The following SYTL5 variants were observed in gnomAD, a reference collection of about 807,000 sequenced individuals.
SYTL5 encodes synaptotagmin like 5, also known as synaptotagmin-like protein 5.
Under a neutral mutation model 55.9 loss-of-function variants are expected in SYTL5, and 34 were observed. That is an observed-to-expected ratio of 0.61 (90% CI 0.46 to 0.81). The LOEUF (loss-of-function observed/expected upper bound fraction) is 0.81. Among genes scored for constraint, SYTL5 ranks in the 30% least tolerant of loss-of-function variants. SYTL5 has a pLI of 0.00. For synonymous variants in SYTL5, 221 were observed against 188.7 expected (o/e 1.17, Z -1.40); for missense variants, 637 against 546.7 (o/e 1.17, Z -1.65).
chrX:37,903,073 G>GA, the SYTL5 span, among the ~76,000 whole-genome samples: 1 of 111,190 alleles, frequency 9.0e-6, no homozygotes. Context: ...AGGATGTGGA[G>GA]AAATAGGAAC....
chrX:37,991,157 G>C, the SYTL5 span: 3 of 1,208,960 alleles, frequency 2.5e-6, no homozygotes, highest in Non-Finnish European at 3.4e-6. Flanking sequence ...CTCGCTTTTT[G>C]TTTGATGAGA....
At chrX:37,934,037 A>G in the SYTL5 span, among the ~76,000 whole-genome samples, 1 of 111,884 alleles carries the variant, frequency 8.9e-6, no homozygotes, top group Non-Finnish European at 1.9e-5. Context: ...CAAGAAATAC[A>G]GATTTCACTG....
the SYTL5 span, among the ~76,000 whole-genome samples, chrX:37,903,007 C>T: frequency 8.9e-6 from 1 of 112,021 alleles, no homozygotes; most frequent in Non-Finnish European, 1.9e-5. Context: ...GATACACCAT[C>T]TCACATCAGT....
chrX:37,908,572 A>T, the SYTL5 span, among the ~76,000 whole-genome samples: 1 of 111,654 alleles, frequency 9.0e-6, no homozygotes, highest in African/African-American at 3.3e-5. Flanking sequence ...TGAACCTGTG[A>T]TCGTATCAAT....
intron 8 of SYTL5, 136 bp downstream of exon 8, chrX:38,094,560 C>T (rs1402723238): frequency 3.1e-6 from 2 of 652,509 alleles, no homozygotes; most frequent in African/African-American, 4.4e-5. Flanking sequence ...TGGTGGTAGG[C>T]CACTCCATAA....
chrX:37,978,563 T>C, the SYTL5 span, among the ~76,000 whole-genome samples: 2 of 112,087 alleles, frequency 1.8e-5, no homozygotes, highest in Non-Finnish European at 3.8e-5. Flanking sequence ...CATGATTTAA[T>C]TTTCATTTTC....
At chrX:37,978,336 G>A in the SYTL5 span, among the ~76,000 whole-genome samples, 117 of 111,507 alleles carry the variant, frequency 1.0e-3, no homozygotes, top group Non-Finnish European at 1.1e-3. Context: ...ACTAATGATA[G>A]GATATATGGG....
chrX:38,087,625 C>T (rs1323113878), intron 6 of SYTL5, among the ~76,000 whole-genome samples: 1 of 112,011 alleles, frequency 8.9e-6, no homozygotes, highest in African/African-American at 3.2e-5. Context: ...CCTTTAGTAA[C>T]CACTCTTTAG....
the SYTL5 span, among the ~76,000 whole-genome samples, chrX:37,932,594 G>C: frequency 8.9e-6 from 1 of 111,924 alleles, no homozygotes; most frequent in Non-Finnish European, 1.9e-5. Context: ...AATGACTCTG[G>C]TTTTCATCAG....
At chrX:37,963,311 C>T in the SYTL5 span, among the ~76,000 whole-genome samples, 542 of 91,141 alleles carry the variant, frequency 5.9e-3, 2 homozygotes, top group Middle Eastern at 0.032. Flanking sequence ...TTTTTTGAGA[C>T]GGAGTCTCAC....
intron 9 of SYTL5, among the ~76,000 whole-genome samples, chrX:38,097,961 G>A (rs955674215): frequency 2.7e-5 from 3 of 109,503 alleles, no homozygotes; most frequent in Non-Finnish European, 3.8e-5. Flanking sequence ...AATCATACTG[G>A]GACAACAGGA....
At chrX:37,933,140 G>A in the SYTL5 span, among the ~76,000 whole-genome samples, 2 of 111,383 alleles carry the variant, frequency 1.8e-5, no homozygotes, top group East Asian at 5.6e-4. Flanking sequence ...ATGTCACATT[G>A]AGTGAAAATG....
chrX:38,005,731 T>C (rs1270872277), upstream of SYTL5, among the ~76,000 whole-genome samples: 2 of 111,594 alleles, frequency 1.8e-5, no homozygotes, highest in African/African-American at 3.3e-5. Flanking sequence ...TATTGACTTC[T>C]TTTGTATGAG....
chrX:38,124,642 G>A (rs771873965), intron 15 of SYTL5, among the ~76,000 whole-genome samples: 4 of 111,604 alleles, frequency 3.6e-5, no homozygotes, highest in Non-Finnish European at 7.5e-5. Flanking sequence ...AATGAAACAA[G>A]GAAGAAAGAG....
At chrX:38,083,706 C>T (rs149985269) in intron 6 of SYTL5, among the ~76,000 whole-genome samples, 1 of 109,888 alleles carries the variant, frequency 9.1e-6, no homozygotes, top group Non-Finnish European at 1.9e-5. Context: ...CACAAACACC[C>T]AATACCTGAA....
At chrX:37,917,870 G>C in the SYTL5 span, among the ~76,000 whole-genome samples, 1 of 111,624 alleles carries the variant, frequency 9.0e-6, no homozygotes, top group Non-Finnish European at 1.9e-5. Context: ...AGATTATGAG[G>C]TTAATCATAG....
chrX:38,078,992 G>C (rs948480573), intron 6 of SYTL5, among the ~76,000 whole-genome samples: 1 of 112,347 alleles, frequency 8.9e-6, no homozygotes, highest in Non-Finnish European at 1.9e-5. Flanking sequence ...GATCAATAGA[G>C]CAAAATGTCC....
the SYTL5 span, among the ~76,000 whole-genome samples, chrX:37,945,474 C>T: frequency 9.0e-6 from 1 of 111,510 alleles, no homozygotes; most frequent in African/African-American, 3.3e-5. Flanking sequence ...CCACCTTCTG[C>T]ATAGTTCTCC....
chrX:38,001,140 C>T, the SYTL5 span, among the ~76,000 whole-genome samples: 157 of 110,922 alleles, frequency 1.4e-3, no homozygotes, highest in East Asian at 0.033. Flanking sequence ...AGACCACACC[C>T]TCCCCTACCC....
Sources: allele counts gnomAD v4.1 joint callset (sites outside exome capture counted in the v4.1 genomes callset), GRCh38; gene constraint gnomAD v4.1.1; transcripts MANE v1.5; gene names NCBI Gene and HGNC (gene_info 2026-07-23, HGNC 2026-07-21).